The following RYR2 variants were observed in gnomAD, a reference collection of about 807,000 sequenced individuals.
The protein encoded by RYR2 is cardiac muscle ryanodine receptor-calcium release channel.
RYR2 carries 227 observed loss-of-function variants against 601.1 expected under a neutral mutation model. The observed-to-expected ratio is 0.38, with a 90% CI of 0.34 to 0.42. The LOEUF is 0.42. RYR2 is among the 10% of genes least tolerant of loss of function. The pLI, the probability that RYR2 is intolerant of heterozygous loss-of-function variation, is 1.00. For synonymous variants in RYR2, 2,223 were observed against 2,175.1 expected, an observed-to-expected ratio of 1.02 and a Z score of -0.61; for missense variants, 4,646 against 6,156.5, an observed-to-expected ratio of 0.75 and a Z score of 8.21.
chr1:237,712,009 A>C (rs1688881424), intron 71 of RYR2, among the ~76,000 whole-genome samples, 172 bp downstream of exon 71: 1 of 152,134 alleles, frequency 6.6e-6, no homozygotes, highest in Admixed American at 6.5e-5. Flanking sequence ...AATTTGTTTG[A>C]ATCAGGCATG....
At chr1:237,203,693 A>AT (rs933837639) in intron 1 of RYR2, among the ~76,000 whole-genome samples, 11 of 150,294 alleles carry the variant, frequency 7.3e-5, no homozygotes, top group South Asian at 2.1e-4. Flanking sequence ...TGTAGTAAAA[A>AT]TTTTTTTTTT....
chr1:237,560,301 G>A (rs184438222), intron 27 of RYR2, among the ~76,000 whole-genome samples: 1 of 152,358 alleles, frequency 6.6e-6, no homozygotes, highest in African/African-American at 2.4e-5. Context: ...AAGCTGCAAG[G>A]CTAACAAATT....
At chr1:237,515,730 TTTCTCCTTCCCCTTCTTCCTC>T (rs1666403901) in intron 24 of RYR2, among the ~76,000 whole-genome samples, 1 of 52,896 alleles carries the variant, frequency 1.9e-5, no homozygotes, top group Non-Finnish European at 3.9e-5. Context: ...TTCCTCCTTC[TTTCTCCTTCCCCTTCTTCCTC>T]TTCTTCTCCT....
At chr1:237,740,615 G>A (rs1251903139) in intron 79 of RYR2, among the ~76,000 whole-genome samples, 1 of 151,886 alleles carries the variant, frequency 6.6e-6, no homozygotes, top group Non-Finnish European at 1.5e-5. Flanking sequence ...CTCAATCCTT[G>A]TGTCTCTCCT....
chr1:237,301,695 C>T (rs1693367209), intron 2 of RYR2, among the ~76,000 whole-genome samples: 1 of 152,122 alleles, frequency 6.6e-6, no homozygotes, highest in African/African-American at 2.4e-5. Flanking sequence ...CAAAAGCAAT[C>T]TAATAATGAC....
intron 94 of RYR2, among the ~76,000 whole-genome samples, chr1:237,793,649 T>A (rs1251507456): frequency 6.6e-6 from 1 of 152,222 alleles, no homozygotes; most frequent in Non-Finnish European, 1.5e-5. Flanking sequence ...TTTAAAAACA[T>A]ATGCATATAT....
chr1:237,284,902 C>A (rs183926464), intron 2 of RYR2, among the ~76,000 whole-genome samples: 1 of 152,114 alleles, frequency 6.6e-6, no homozygotes, highest in African/African-American at 2.4e-5. Flanking sequence ...TTGCTTAATT[C>A]TTTTTATCAG....
intron 2 of RYR2, among the ~76,000 whole-genome samples, chr1:237,298,759 G>T (rs1016094122): frequency 1.3e-5 from 2 of 152,154 alleles, no homozygotes; most frequent in East Asian, 1.9e-4. Flanking sequence ...CAGCACTTTG[G>T]GGGGCTGATG....
intron 1 of RYR2, among the ~76,000 whole-genome samples, chr1:237,190,989 A>G (rs1396149238): frequency 6.6e-6 from 1 of 152,192 alleles, no homozygotes; most frequent in South Asian, 2.1e-4. Context: ...AATCATTGCC[A>G]AACCCATTGT....
chr1:237,400,715 GA>G (rs1703276164), intron 10 of RYR2, among the ~76,000 whole-genome samples: 1 of 152,038 alleles, frequency 6.6e-6, no homozygotes, highest in Admixed American at 6.6e-5. Context: ...CTCCCACTGA[GA>G]AAAACTAATA....
chr1:237,367,088 G>GT (rs1338736785), intron 5 of RYR2, among the ~76,000 whole-genome samples: 1 of 142,228 alleles, frequency 7.0e-6, no homozygotes, highest in Non-Finnish European at 1.6e-5. Flanking sequence ...TTTTGTTTTT[G>GT]TTTTTTTGTT....
intron 1 of RYR2, among the ~76,000 whole-genome samples, chr1:237,228,538 C>T (rs1164495644): frequency 2.6e-5 from 4 of 152,132 alleles, no homozygotes; most frequent in Non-Finnish European, 5.9e-5. Flanking sequence ...CCTTGTAGGT[C>T]CTTTCCCTTA....
At chr1:237,093,019 G>A (rs1404603650) in intron 1 of RYR2, among the ~76,000 whole-genome samples, 1 of 152,128 alleles carries the variant, frequency 6.6e-6, no homozygotes, top group Non-Finnish European at 1.5e-5. Flanking sequence ...AGAACTCCCG[G>A]TGAAGATGGG....
chr1:237,100,209 A>C (rs1667928459), intron 1 of RYR2, among the ~76,000 whole-genome samples: 1 of 152,162 alleles, frequency 6.6e-6, no homozygotes, highest in African/African-American at 2.4e-5. Flanking sequence ...AAAGCAAAGA[A>C]ATAGATGAGG....
Position 237,569,508 on chromosome 1 carries a change from A to G in RYR2, c.3598+189A>G, listed in dbSNP as rs910160253. ...AATAACATTATTAGAAATGCTATCT[A>G]TACGACTTAGCTAGGATTTCTAGAA... On this transcript the variant is annotated intron_variant, in intron 29 of 104. Coordinates refer to ENST00000366574, the MANE Select transcript of RYR2 (RefSeq NM_001035.3). Among the ~76,000 whole-genome samples, 6 of 152,338 alleles carry G rather than the reference A, an allele frequency of 3.9e-5. No homozygotes were observed. The East Asian group carries it at 1.2e-3, about 29-fold the overall frequency.
rs561043006 is a variant in RYR2, at chr1:237,455,961, A to G, written c.1477-639A>G. ...TTTTCCCAACTTCTCATATAAGACA[A>G]TCTGGATGGGGACTTGGAAATGTTC... On this transcript the variant is annotated intron_variant, in intron 15 of 104. Coordinates refer to ENST00000366574, the MANE Select transcript of RYR2 (RefSeq NM_001035.3). Among the ~76,000 whole-genome samples the G allele has an allele frequency of 5.1e-4, 78 of 152,218 alleles. 1 individual carries two copies. Among genetic ancestry groups the G allele is most frequent in the African/African-American group, 1.9e-3 (77 of 41,546 alleles).
intron 12 of RYR2, among the ~76,000 whole-genome samples, chr1:237,438,017 C>T (rs1428995658): frequency 8.7e-6 from 1 of 115,088 alleles, no homozygotes; most frequent in Non-Finnish European, 2.0e-5. Flanking sequence ...GTTTTAATGG[C>T]AATCTGATCT....
At chr1:237,335,368 G>T (rs1300524500) in intron 3 of RYR2, among the ~76,000 whole-genome samples, 4 of 152,140 alleles carry the variant, frequency 2.6e-5, no homozygotes, top group Admixed American at 1.3e-4. Flanking sequence ...CATCTCCTAT[G>T]AGCACAGATA....
chr1:237,640,209 GTCAC>G (rs1208871156), intron 46 of RYR2, among the ~76,000 whole-genome samples: 8 of 152,172 alleles, frequency 5.3e-5, no homozygotes, highest in Non-Finnish European at 8.8e-5. Flanking sequence ...AAGCCTCACT[GTCAC>G]TCTGCAGACT....
Sources: gnomAD v4.1 joint callset for allele counts (sites outside exome capture counted in the v4.1 genomes callset) on GRCh38, gnomAD v4.1.1 for gene constraint, MANE v1.5 for transcripts, NCBI Gene and HGNC (gene_info 2026-07-23, HGNC 2026-07-21) for gene names.